The following ARHGEF26 variants were observed in gnomAD, a reference collection of about 807,000 sequenced individuals.
ARHGEF26 encodes the protein Rho guanine nucleotide exchange factor 26.
A neutral mutation model predicts 89.4 loss-of-function variants in ARHGEF26; 59 were observed. That is an observed-to-expected ratio of 0.66 (90% CI 0.54 to 0.82). The LOEUF (loss-of-function observed/expected upper bound fraction) is 0.82. Ranked by LOEUF, ARHGEF26 falls within the 40% of genes least tolerant of loss-of-function variation. ARHGEF26 has a pLI of 0.00. For synonymous variants in ARHGEF26, 500 were observed against 428.4 expected (o/e 1.17, Z -2.06); for missense variants, 1,234 against 1,085.6 (o/e 1.14, Z -1.92).
At chr3:154,253,055 A>G in intron 12 of ARHGEF26, 61 bp from the exon 13 acceptor site, 3 of 1,593,786 alleles carry the variant, frequency 1.9e-6, no homozygotes, top group Admixed American at 1.7e-5. Context: ...CTGCCTAGAA[A>G]ACACTCCATT....
chr3:154,157,967 TAGCAGTGGTTTGTA>T (rs1348793495), intron 6 of ARHGEF26, among the ~76,000 whole-genome samples: 3 of 152,140 alleles, frequency 2.0e-5, no homozygotes, highest in African/African-American at 7.2e-5. Context: ...CTACAACTTG[TAGCAGTGGTTTGTA>T]AGCAGTGGTG....
rs761086362 is a variant in ARHGEF26 at position 154,254,831 on chromosome 3, G to A, written c.2473+7G>A. ...TATCAACGTGTCAGCGATGGTGAGT[G>A]GGAGCGTTCTTATGGGACACTCGTG... On this transcript the variant is annotated splice_region_variant and intron_variant, in intron 14 of 14. Coordinates refer to ENST00000465093, the MANE Select transcript of ARHGEF26 (RefSeq NM_015595.4). The A allele has an allele frequency of 6.2e-7, 1 of 1,612,390 alleles. No homozygotes were observed. Among genetic ancestry groups the A allele is most frequent in the Non-Finnish European group, 8.5e-7 (1 of 1,179,052 alleles).
intron 10 of ARHGEF26, among the ~76,000 whole-genome samples, chr3:154,222,695 A>T (rs1183160804): frequency 6.6e-6 from 1 of 152,200 alleles, no homozygotes; most frequent in Non-Finnish European, 1.5e-5. Flanking sequence ...CAGTTGAAGC[A>T]GATTAGACTT....
chr3:154,254,332 C>T (rs181383530), intron 13 of ARHGEF26, among the ~76,000 whole-genome samples: 51 of 152,290 alleles, frequency 3.3e-4, no homozygotes, highest in Admixed American at 8.5e-4. Context: ...TGGGGAGACA[C>T]TCTGATGAGA....
Position 154,191,346 on chromosome 3 carries a change from TAGGAACTTAC to T in ARHGEF26, c.1699_1708del (p.Arg567ProfsTer2), listed in dbSNP as rs1713947128. 1.9e-6 allele frequency: 3 copies of T among 1,613,640 alleles called. No homozygotes were observed. In the African/African-American group the frequency reaches 4.0e-5, roughly 22 times the overall value. On this transcript the variant is annotated frameshift_variant, in exon 8 of 15. Transcript: ENST00000465093. LOFTEE classifies it high-confidence loss of function. ...CAAGGATTGAGTCCCATGAAGACTG[TAGGAACTTAC>T]CCATGATCTCTTTTCTCATTCTCCC...
chr3:154,156,784 CAA>C, intron 6 of ARHGEF26, among the ~76,000 whole-genome samples: 1 of 152,168 alleles, frequency 6.6e-6, no homozygotes, highest in Middle Eastern at 3.4e-3. Context: ...TTTGCAGTCC[CAA>C]GAAAATGCGA....
intron 2 of ARHGEF26, among the ~76,000 whole-genome samples, chr3:154,123,323 G>A (rs1297405236): frequency 6.6e-6 from 1 of 152,072 alleles, no homozygotes; most frequent in Non-Finnish European, 1.5e-5. Flanking sequence ...AGGCAGAATT[G>A]GGGGGGACAA....
intron 9 of ARHGEF26, among the ~76,000 whole-genome samples, chr3:154,203,058 G>T (rs1714757172): frequency 6.6e-6 from 1 of 152,054 alleles, no homozygotes; most frequent in Admixed American, 6.6e-5. Flanking sequence ...GGGGAGAGAG[G>T]GCATCCCTGT....
intron 10 of ARHGEF26, among the ~76,000 whole-genome samples, chr3:154,221,376 C>T (rs1447678239): frequency 6.6e-6 from 1 of 152,116 alleles, no homozygotes; most frequent in African/African-American, 2.4e-5. Flanking sequence ...TTATATGTTG[C>T]TGGTGGGAAA....
At chr3:154,123,511 T>A (rs7642221) in intron 2 of ARHGEF26, among the ~76,000 whole-genome samples, 31,322 of 152,208 alleles carry the variant, frequency 0.21, 4,050 homozygotes, top group East Asian at 0.47. Flanking sequence ...TACTGATTCC[T>A]GTTTGAGCCT....
At chr3:154,200,271 T>A (rs556894970) in intron 9 of ARHGEF26, among the ~76,000 whole-genome samples, 1 of 152,196 alleles carries the variant, frequency 6.6e-6, no homozygotes, top group Admixed American at 6.6e-5. Flanking sequence ...TTTATTCTTC[T>A]GCATATGGAT....
At chr3:154,137,813 T>TAAAA (rs35590555) in intron 4 of ARHGEF26, among the ~76,000 whole-genome samples, 1 of 139,358 alleles carries the variant, frequency 7.2e-6, no homozygotes, top group Non-Finnish European at 1.5e-5. Context: ...CCCTATCTCT[T>TAAAA]AAAAAAAAAA....
chr3:154,205,859 G>A (rs924213962), intron 9 of ARHGEF26, among the ~76,000 whole-genome samples: 9 of 152,266 alleles, frequency 5.9e-5, no homozygotes, highest in Non-Finnish European at 1.3e-4. Context: ...AAAAGTGGTT[G>A]TAGTTACTAT....
chr3:154,201,942 C>T (rs1714669403), intron 9 of ARHGEF26, among the ~76,000 whole-genome samples: 1 of 151,198 alleles, frequency 6.6e-6, no homozygotes, highest in African/African-American at 2.4e-5. Flanking sequence ...AATTTTCTCC[C>T]ATTTTGTAGG....
At chr3:154,232,016 C>G (rs1350555822) in intron 11 of ARHGEF26, among the ~76,000 whole-genome samples, 1 of 151,844 alleles carries the variant, frequency 6.6e-6, no homozygotes, top group Admixed American at 6.6e-5. Flanking sequence ...TAGTGTGGTA[C>G]TCCTGAATTG....
chr3:154,137,939 A>G (rs1375268792), intron 4 of ARHGEF26, among the ~76,000 whole-genome samples: 1 of 152,152 alleles, frequency 6.6e-6, no homozygotes, highest in African/African-American at 2.4e-5. Context: ...GCTGCTCTCA[A>G]TTTGGCAATA....
intron 6 of ARHGEF26, among the ~76,000 whole-genome samples, chr3:154,180,229 T>G (rs1237099557): frequency 2.0e-5 from 3 of 151,308 alleles, no homozygotes; most frequent in African/African-American, 7.4e-5. Flanking sequence ...AAAATCACTT[T>G]TACCATGTAA....
At chr3:154,223,182 G>T (rs1454735803) in intron 10 of ARHGEF26, among the ~76,000 whole-genome samples, 1 of 152,172 alleles carries the variant, frequency 6.6e-6, no homozygotes, top group Non-Finnish European at 1.5e-5. Flanking sequence ...GTGTGATTGA[G>T]TGGAGTGGTG....
chr3:154,180,368 A>G (rs1713104986), intron 6 of ARHGEF26, among the ~76,000 whole-genome samples: 1 of 151,882 alleles, frequency 6.6e-6, no homozygotes, highest in South Asian at 2.1e-4. Flanking sequence ...TGTTTTTGCC[A>G]AGTGTGTCTG....
Sources: gnomAD v4.1 joint callset for allele counts (sites outside exome capture counted in the v4.1 genomes callset) on GRCh38, gnomAD v4.1.1 for gene constraint, MANE v1.5 for transcripts, NCBI Gene and HGNC (gene_info 2026-07-23, HGNC 2026-07-21) for gene names.